The following ZBTB20 variants were observed in gnomAD, a reference collection of about 807,000 sequenced individuals.
ZBTB20 encodes the protein zinc finger and BTB domain-containing protein 20.
In ZBTB20, 9 loss-of-function variants were observed where a neutral mutation model predicts 56.9. The observed-to-expected ratio is 0.16, with a 90% CI of 0.10 to 0.28. The LOEUF (loss-of-function observed/expected upper bound fraction) is 0.28, where lower values mean the gene tolerates loss of function less well. ZBTB20 is among the 10% of genes least tolerant of loss of function. The pLI is 1.00. For missense variants in ZBTB20, 655 were observed against 1,003.0 expected (o/e 0.65, Z 4.69); for synonymous variants, 417 against 420.7 (o/e 0.99, Z 0.11).
intron 6 of ZBTB20, among the ~76,000 whole-genome samples, chr3:114,543,660 A>G (rs1321948809): frequency 6.6e-6 from 1 of 152,152 alleles, no homozygotes; most frequent in African/African-American, 2.4e-5. Context: ...AGCTTTCCAT[A>G]CTCAAAGATT....
At chr3:114,378,173 T>C (rs1261963850) in intron 10 of ZBTB20, among the ~76,000 whole-genome samples, 2 of 152,222 alleles carry the variant, frequency 1.3e-5, no homozygotes. Context: ...CTTTTTCCTG[T>C]CTTCTCTCAA....
At chr3:115,024,046 T>C (rs2080313592) in intron 2 of ZBTB20, among the ~76,000 whole-genome samples, 2 of 151,096 alleles carry the variant, frequency 1.3e-5, no homozygotes, top group Admixed American at 6.6e-5. Flanking sequence ...CATGGTCTAA[T>C]GTATAGCATA....
chr3:114,886,895 T>C (rs183683948), intron 4 of ZBTB20, among the ~76,000 whole-genome samples: 36 of 152,342 alleles, frequency 2.4e-4, no homozygotes, highest in African/African-American at 8.4e-4. Flanking sequence ...CTGTTTCCTG[T>C]CGCCTATAAC....
intron 3 of ZBTB20, among the ~76,000 whole-genome samples, chr3:114,925,659 T>G (rs946417999): frequency 6.6e-6 from 1 of 152,222 alleles, no homozygotes; most frequent in Non-Finnish European, 1.5e-5. Context: ...CCCGAGCAGC[T>G]GGGACTACAG....
rs1245526381 is a variant in ZBTB20 at position 114,333,967 on chromosome 3, T to G, written c.*5038A>C. On this transcript the variant is annotated 3_prime_UTR_variant, in exon 12 of 12. Coordinates refer to ENST00000675478, the MANE Select transcript of ZBTB20 (RefSeq NM_001348800.3). ...TCATTACCAAATTAAAGAATTCTTT[T>G]AGAAGATTTCTTTTAAGAGTCAGGT... The G allele has an allele frequency of 2.0e-5, 3 of 152,218 alleles. No individual in the cohort carries two copies. The highest frequency in any genetic ancestry group is 4.4e-5 in the Non-Finnish European group (3 of 68,032). 9.4% of individuals were successfully genotyped at this position (152,218 alleles called of 1,614,324 possible). A position where few individuals can be genotyped will look rare whatever the true frequency, so the allele number is the denominator to read the frequency against.
chr3:114,724,149 A>G (rs2065110514), intron 5 of ZBTB20, among the ~76,000 whole-genome samples: 1 of 152,026 alleles, frequency 6.6e-6, no homozygotes, highest in African/African-American at 2.4e-5. Flanking sequence ...CTGGGATTAC[A>G]GGTGTGAGCC....
At chr3:114,389,402 C>T (rs900420653) in intron 7 of ZBTB20, among the ~76,000 whole-genome samples, 2 of 151,952 alleles carry the variant, frequency 1.3e-5, no homozygotes, top group Non-Finnish European at 2.9e-5. Context: ...TTGTGGGTGA[C>T]AGTGGGGGAA....
intron 5 of ZBTB20, among the ~76,000 whole-genome samples, chr3:114,790,684 T>C (rs2070890749): frequency 6.6e-6 from 1 of 151,964 alleles, no homozygotes; most frequent in African/African-American, 2.4e-5. Flanking sequence ...TGGTACCAGC[T>C]TTGGTGACCA....
chr3:114,432,170 A>AG (rs1243475486), intron 7 of ZBTB20, among the ~76,000 whole-genome samples: 1 of 2,898 alleles, frequency 3.5e-4, no homozygotes, highest in Admixed American at 0.062. Context: ...ATTCCATTAG[A>AG]AAAAAAAAAA....
chr3:114,996,520 C>CT (rs1306614916), intron 2 of ZBTB20, among the ~76,000 whole-genome samples: 3 of 151,912 alleles, frequency 2.0e-5, no homozygotes, highest in Admixed American at 6.6e-5. Context: ...ATCCATGTCC[C>CT]TGCAAAGAAC....
chr3:114,792,954 C>A lies in ZBTB20; in HGVS notation c.-343+8147G>T, dbSNP rs1319422307. 6.7e-5 allele frequency among the ~76,000 whole-genome samples: 10 copies of A among 148,742 alleles called. No homozygotes were observed. In the Admixed American group the frequency reaches 6.8e-4, roughly 10 times the overall value. On this transcript the variant is annotated intron_variant, in intron 5 of 11. Transcript: ENST00000675478. ...GCAATGGTGCGATCTCAGCTCACTGCAACCTCCGCCTCCTGGGTTTAAGTG... is the reference window on the plus strand; with the variant it reads ...GCAATGGTGCGATCTCAGCTCACTGAAACCTCCGCCTCCTGGGTTTAAGTG...
chr3:114,448,164 T>G (rs927047001), intron 7 of ZBTB20, among the ~76,000 whole-genome samples: 1 of 152,106 alleles, frequency 6.6e-6, no homozygotes, highest in Non-Finnish European at 1.5e-5. Context: ...GATCAGCTCT[T>G]CTGGCCTCTC....
chr3:114,486,224 CT>C (rs1407141551), intron 7 of ZBTB20, among the ~76,000 whole-genome samples: 4 of 114,876 alleles, frequency 3.5e-5, no homozygotes, highest in Admixed American at 1.0e-4. Flanking sequence ...ATGTCTAAAA[CT>C]TTTTTTCTAA....
At chr3:114,822,072 T>C (rs1280230932) in intron 4 of ZBTB20, among the ~76,000 whole-genome samples, 4 of 152,082 alleles carry the variant, frequency 2.6e-5, no homozygotes, top group Non-Finnish European at 5.9e-5. Context: ...TAAGACTTGA[T>C]AGTGTAACAT....
intron 4 of ZBTB20, among the ~76,000 whole-genome samples, chr3:114,822,486 G>A (rs535562011): frequency 3.9e-5 from 6 of 151,922 alleles, no homozygotes; most frequent in African/African-American, 7.2e-5. Context: ...CAATTTAATA[G>A]GATGATACAA....
intron 6 of ZBTB20, among the ~76,000 whole-genome samples, chr3:114,535,081 C>A (rs2048311651): frequency 6.6e-6 from 1 of 152,006 alleles, no homozygotes; most frequent in African/African-American, 2.4e-5. Context: ...ATTAAAAGAG[C>A]TAGAGAAGCA....
At chr3:114,444,550 A>G (rs899601244) in intron 7 of ZBTB20, among the ~76,000 whole-genome samples, 1 of 152,180 alleles carries the variant, frequency 6.6e-6, no homozygotes, top group Non-Finnish European at 1.5e-5. Context: ...GCCTTTTGGC[A>G]TAGGAGTACA....
chr3:114,704,886 A>C (rs534506532), intron 5 of ZBTB20, among the ~76,000 whole-genome samples: 8 of 151,878 alleles, frequency 5.3e-5, no homozygotes, highest in Non-Finnish European at 1.0e-4. Flanking sequence ...CAATATCATT[A>C]TTTTCTAATT....
intron 3 of ZBTB20, among the ~76,000 whole-genome samples, chr3:114,917,076 T>G (rs1006627314): frequency 6.6e-6 from 1 of 152,170 alleles, no homozygotes; most frequent in African/African-American, 2.4e-5. Flanking sequence ...TCTGTCCTTT[T>G]GTCTCCTAAA....
Sources: gnomAD v4.1 joint callset for allele counts (sites outside exome capture counted in the v4.1 genomes callset) on GRCh38, gnomAD v4.1.1 for gene constraint, MANE v1.5 for transcripts, NCBI Gene and HGNC (gene_info 2026-07-23, HGNC 2026-07-21) for gene names.